Variants in XYLT1 observed in about 807,000 individuals in gnomAD.
The protein encoded by XYLT1 is beta-D-xylosyltransferase 1.
Under a neutral mutation model 91.3 loss-of-function variants are expected in XYLT1, and 36 were observed. That is an observed-to-expected ratio of 0.39 (90% CI 0.30 to 0.52). The LOEUF (loss-of-function observed/expected upper bound fraction) is 0.52, where lower values mean the gene tolerates loss of function less well. XYLT1 is among the 20% of genes least tolerant of loss of function. XYLT1 has a pLI of 0.68. For missense variants in XYLT1, 1,242 were observed against 1,284.5 expected (o/e 0.97, Z 0.51); for synonymous variants, 588 against 532.0 (o/e 1.11, Z -1.45).
intron 11 of XYLT1, among the ~76,000 whole-genome samples, chr16:17,114,210 A>G (rs548090742): frequency 6.3e-4 from 96 of 152,368 alleles, no homozygotes; most frequent in African/African-American, 2.2e-3. Flanking sequence ...ATCTTTCATA[A>G]CAAACCAATA....
At chr16:17,144,742 G>A (rs2141524903) in intron 6 of XYLT1, among the ~76,000 whole-genome samples, 1 of 152,312 alleles carries the variant, frequency 6.6e-6, no homozygotes, top group East Asian at 1.9e-4. Context: ...TTATGATGAA[G>A]GGGATCTAAG....
chr16:17,386,933 G>A (rs568462951), intron 1 of XYLT1, among the ~76,000 whole-genome samples: 2 of 152,180 alleles, frequency 1.3e-5, no homozygotes, highest in African/African-American at 4.8e-5. Flanking sequence ...AAGCCAAAGC[G>A]CATGAACCTG....
intron 1 of XYLT1, among the ~76,000 whole-genome samples, chr16:17,379,269 T>C (rs1019087152): frequency 6.6e-6 from 1 of 152,116 alleles, no homozygotes; most frequent in African/African-American, 2.4e-5. Context: ...CTAAAGACTA[T>C]ATATAGAAGA....
rs1469123285 is a variant in XYLT1 at position 17,197,465 on chromosome 16, TGA to T, written c.1289+745_1289+746del. On this transcript the variant is annotated intron_variant, in intron 5 of 11. Transcript: ENST00000261381. ...AATGGAAGCTTGTGATGGTTACTAT[TGA>T]GTGTCAACTTGATTGGACTGAAGGA... 2.6e-5 allele frequency among the ~76,000 whole-genome samples: 4 copies of T among 152,324 alleles called. No homozygotes were observed. The East Asian group carries it at 7.7e-4, about 29-fold the overall frequency.
At chr16:17,281,747 C>T (rs2034062254) in intron 2 of XYLT1, among the ~76,000 whole-genome samples, 1 of 152,182 alleles carries the variant, frequency 6.6e-6, no homozygotes, top group Non-Finnish European at 1.5e-5. Context: ...TCATTTCCTC[C>T]CTGGATGATT....
At chr16:17,466,640 T>G (rs948446398) in intron 1 of XYLT1, among the ~76,000 whole-genome samples, 26 of 152,134 alleles carry the variant, frequency 1.7e-4, no homozygotes, top group South Asian at 6.2e-4. Flanking sequence ...AATGAATTGA[T>G]AAACTGAAGA....
At chr16:17,462,662 A>G (rs1439470943) in intron 1 of XYLT1, among the ~76,000 whole-genome samples, 2 of 152,162 alleles carry the variant, frequency 1.3e-5, no homozygotes, top group African/African-American at 2.4e-5. Context: ...GGTCTGAAGG[A>G]ATGGAGCAGC....
At chr16:17,336,244 G>C (rs964372748) in intron 2 of XYLT1, among the ~76,000 whole-genome samples, 1 of 152,198 alleles carries the variant, frequency 6.6e-6, no homozygotes, top group Non-Finnish European at 1.5e-5. Flanking sequence ...TCAAAGCAAG[G>C]TCTGCAACAA....
intron 1 of XYLT1, among the ~76,000 whole-genome samples, chr16:17,376,692 T>C (rs1277694073): frequency 2.6e-5 from 4 of 151,998 alleles, no homozygotes; most frequent in African/African-American, 4.8e-5. Context: ...CTGGGCATCA[T>C]GGCTTGCACC....
At chr16:17,379,659 CAT>C (rs1004210583) in intron 1 of XYLT1, among the ~76,000 whole-genome samples, 5 of 151,936 alleles carry the variant, frequency 3.3e-5, no homozygotes, top group African/African-American at 1.2e-4. Flanking sequence ...TTCTGGGCCT[CAT>C]GTTATCCTAG....
At chr16:17,160,936 C>T (rs2031534114) in intron 5 of XYLT1, among the ~76,000 whole-genome samples, 1 of 152,238 alleles carries the variant, frequency 6.6e-6, no homozygotes, top group Non-Finnish European at 1.5e-5. Flanking sequence ...AACCCCCTCA[C>T]CACTCTCCGC....
intron 1 of XYLT1, among the ~76,000 whole-genome samples, chr16:17,375,427 A>C (rs1244243681): frequency 7.3e-6 from 1 of 137,560 alleles, no homozygotes; most frequent in African/African-American, 2.6e-5. Flanking sequence ...ACCCTGTCGC[A>C]ATGCAAAAAA....
In XYLT1 at chr16:17,185,280, C is replaced by T. The variant is rs541943956; in HGVS notation, c.1289+12932G>A. Among the ~76,000 whole-genome samples, 5 of 152,328 alleles carry T rather than the reference C, an allele frequency of 3.3e-5. No homozygotes were observed. The East Asian group carries it at 9.7e-4, about 29-fold the overall frequency. On this transcript the variant is annotated intron_variant, in intron 5 of 11. Transcript: ENST00000261381. ...GATATGTTTATTTTGTGACTAGAGG[C>T]AAACAAAACTGTTAACGGCATAATT...
At chr16:17,326,614 G>C (rs1436955828) in intron 2 of XYLT1, among the ~76,000 whole-genome samples, 1 of 151,976 alleles carries the variant, frequency 6.6e-6, no homozygotes, top group East Asian at 1.9e-4. Context: ...ACAAGGTCAG[G>C]AGATCGAGAC....
chr16:17,202,813 T>C (rs1401987065), intron 3 of XYLT1, among the ~76,000 whole-genome samples: 2 of 152,122 alleles, frequency 1.3e-5, no homozygotes, highest in Non-Finnish European at 2.9e-5. Flanking sequence ...TATTTTGGCC[T>C]TGTTTACCAC....
Position 17,134,467 on chromosome 16 carries a change from G to A in XYLT1, c.2027+6C>T. ...CTCTCCTCTCTGCATCCCATATAGGGCTCACCGGCAGCTGTTCTCCCCATC... is the reference window on the plus strand; with the variant it reads ...CTCTCCTCTCTGCATCCCATATAGGACTCACCGGCAGCTGTTCTCCCCATC... On this transcript the variant is annotated splice_donor_region_variant and intron_variant, in intron 9 of 11. Coordinates refer to ENST00000261381, the MANE Select transcript of XYLT1 (RefSeq NM_022166.4). 3.7e-6 allele frequency: 6 copies of A among 1,613,808 alleles called. No individual in the cohort carries two copies. Among genetic ancestry groups the A allele is most frequent in the Non-Finnish European group, 5.1e-6 (6 of 1,179,998 alleles).
chr16:17,333,073 G>A (rs139475056), intron 2 of XYLT1, among the ~76,000 whole-genome samples: 307 of 152,078 alleles, frequency 2.0e-3, no homozygotes, highest in Non-Finnish European at 3.4e-3. Context: ...AGGAGACTGA[G>A]GCCAGGAATT....
chr16:17,356,904 C>T (rs1295146618), intron 2 of XYLT1, among the ~76,000 whole-genome samples: 1 of 152,184 alleles, frequency 6.6e-6, no homozygotes, highest in East Asian at 1.9e-4. Context: ...TTGCCGGACG[C>T]AGTGGCTCAT....
intron 1 of XYLT1, among the ~76,000 whole-genome samples, chr16:17,420,492 C>A (rs966528706): frequency 6.6e-6 from 1 of 152,012 alleles, no homozygotes; most frequent in Admixed American, 6.6e-5. Flanking sequence ...TAAAGGGAGA[C>A]GCAGGGTAGG....
Sources: gnomAD v4.1 joint callset for allele counts (sites outside exome capture counted in the v4.1 genomes callset) on GRCh38, gnomAD v4.1.1 for gene constraint, MANE v1.5 for transcripts, NCBI Gene and HGNC (gene_info 2026-07-23, HGNC 2026-07-21) for gene names.